Variants in DPF3 observed in about 807,000 individuals in gnomAD.
DPF3 encodes double PHD fingers 3.
A neutral mutation model predicts 56.8 loss-of-function variants in DPF3; 18 were observed. The ratio of observed to expected loss-of-function variants is 0.32; its 90% CI spans 0.22 to 0.47. DPF3 has a LOEUF of 0.47. Ranked by LOEUF, DPF3 falls within the 20% of genes least tolerant of loss-of-function variation. The probability of loss-of-function intolerance (pLI) is 1.00; values close to 1 mark genes in which losing one functional copy is unlikely to be tolerated. For missense variants in DPF3, 403 were observed against 488.8 expected (o/e 0.82, Z 1.65); for synonymous variants, 188 against 180.2 (o/e 1.04, Z -0.35).
At chr14:72,706,223 C>T (rs144248672) in intron 6 of DPF3, among the ~76,000 whole-genome samples, 155 of 152,302 alleles carry the variant, frequency 1.0e-3, no homozygotes, top group African/African-American at 3.6e-3. Context: ...CCCATCCACC[C>T]CTGGGGGCCA....
chr14:72,673,634 C>T (rs1049936735), intron 8 of DPF3, among the ~76,000 whole-genome samples: 1 of 152,140 alleles, frequency 6.6e-6, no homozygotes, highest in African/African-American at 2.4e-5. Context: ...ACATATACAC[C>T]AAATCAACTG....
intron 3 of DPF3, among the ~76,000 whole-genome samples, chr14:72,738,679 C>T (rs1218066065): frequency 6.6e-6 from 1 of 152,098 alleles, no homozygotes; most frequent in African/African-American, 2.4e-5. Flanking sequence ...GTCAGTCAGA[C>T]AGGATGAATA....
chr14:72,674,211 C>T (rs760323088), intron 8 of DPF3, 29 bp downstream of exon 8: 6 of 1,603,596 alleles, frequency 3.7e-6, no homozygotes, highest in Admixed American at 3.4e-5. Flanking sequence ...GGTCTACGGG[C>T]ACCCGGTGTG....
intron 5 of DPF3, among the ~76,000 whole-genome samples, chr14:72,718,447 C>T (rs981512366): frequency 1.2e-4 from 18 of 152,278 alleles, no homozygotes; most frequent in South Asian, 2.1e-4. Flanking sequence ...AGTCCTAAAA[C>T]GTGATCTGCC....
chr14:72,696,851 A>T (rs535738038), intron 6 of DPF3, among the ~76,000 whole-genome samples: 1 of 152,346 alleles, frequency 6.6e-6, no homozygotes, highest in South Asian at 2.1e-4. Flanking sequence ...GACTGACTGA[A>T]TCAGAAACTC....
At chr14:72,670,567 T>C in intron 8 of DPF3, 1 of 987,484 alleles carries the variant, frequency 1.0e-6, no homozygotes, top group Non-Finnish European at 1.2e-6. Flanking sequence ...CGTCTCCCAT[T>C]GAGGAAATTC....
chr14:72,678,738 A>G (rs1014433600), intron 7 of DPF3, among the ~76,000 whole-genome samples: 1 of 152,216 alleles, frequency 6.6e-6, no homozygotes, highest in Non-Finnish European at 1.5e-5. Flanking sequence ...CCCGACTGGC[A>G]TCTCTATGGC....
At chr14:72,738,277 A>G (rs1294171830) in intron 3 of DPF3, among the ~76,000 whole-genome samples, 1 of 152,072 alleles carries the variant, frequency 6.6e-6, no homozygotes, top group Non-Finnish European at 1.5e-5. Context: ...CTCGAAATAG[A>G]TGAGGTTCAC....
chr14:72,680,738 G>A (rs61994456), intron 7 of DPF3, among the ~76,000 whole-genome samples: 1 of 152,274 alleles, frequency 6.6e-6, no homozygotes, highest in Non-Finnish European at 1.5e-5. Flanking sequence ...AGGAGAGCTG[G>A]AAAGGCAGGT....
chr14:72,707,584 T>G (rs1281585216), intron 6 of DPF3, among the ~76,000 whole-genome samples: 1 of 152,174 alleles, frequency 6.6e-6, no homozygotes, highest in Non-Finnish European at 1.5e-5. Context: ...TAAAATCTAT[T>G]TATTGACACA....
chr14:72,609,541 C>T lies in DPF3; in HGVS notation c.*9756G>A, dbSNP rs569327095. On this transcript the variant is annotated 3_prime_UTR_variant, in exon 11 of 11. Coordinates refer to ENST00000556509, the MANE Select transcript of DPF3 (RefSeq NM_001280542.3). The stretch of plus-strand genomic sequence containing the variant: ...ACTGAAACACTGAGAGAGCTTGATA[C>T]GTTCCTTAGGCAGGGCAGAAACATC... Among the ~76,000 whole-genome samples, 87 of 152,326 alleles carry T rather than the reference C, an allele frequency of 5.7e-4. 1 individual carries two copies. In the South Asian group the frequency reaches 0.017, roughly 30 times the overall value.
intron 1 of DPF3, among the ~76,000 whole-genome samples, chr14:72,828,102 C>G (rs968475719): frequency 2.0e-5 from 3 of 152,184 alleles, no homozygotes; most frequent in Non-Finnish European, 4.4e-5. Flanking sequence ...CATGTTCATG[C>G]TACAAGCAAC....
intron 7 of DPF3, among the ~76,000 whole-genome samples, chr14:72,675,010 C>T (rs1392499273): frequency 1.3e-5 from 2 of 152,198 alleles, no homozygotes; most frequent in African/African-American, 4.8e-5. Flanking sequence ...ACCCCAAGTG[C>T]CTAAAATCAG....
At chr14:72,887,878 G>A (rs1886608893) in intron 1 of DPF3, among the ~76,000 whole-genome samples, 1 of 152,170 alleles carries the variant, frequency 6.6e-6, no homozygotes. Context: ...TTCATCAATA[G>A]CAGGTGAAAG....
At chr14:72,814,242 C>T (rs1197932509) in intron 1 of DPF3, among the ~76,000 whole-genome samples, 2 of 152,158 alleles carry the variant, frequency 1.3e-5, no homozygotes, top group Admixed American at 6.5e-5. Context: ...GATTCTGAGG[C>T]TTCCCAGGCC....
At chr14:72,886,262 C>T (rs1886541784) in intron 1 of DPF3, among the ~76,000 whole-genome samples, 1 of 152,152 alleles carries the variant, frequency 6.6e-6, no homozygotes, top group Non-Finnish European at 1.5e-5. Context: ...GTCCCAGCTA[C>T]TCGGGAGACT....
At chr14:72,863,473 A>G (rs1885535968) in intron 1 of DPF3, among the ~76,000 whole-genome samples, 1 of 150,644 alleles carries the variant, frequency 6.6e-6, no homozygotes, top group African/African-American at 2.4e-5. Context: ...TTCTGAGGTC[A>G]TGAGTAAGCT....
intron 8 of DPF3, chr14:72,670,970 G>A: frequency 6.2e-6 from 4 of 643,034 alleles, no homozygotes; most frequent in Non-Finnish European, 9.8e-6. Flanking sequence ...AAAACAGAGG[G>A]GTGGGGGGAG....
intron 1 of DPF3, among the ~76,000 whole-genome samples, chr14:72,835,129 A>AT (rs1477082078): frequency 6.6e-6 from 1 of 151,914 alleles, no homozygotes; most frequent in Non-Finnish European, 1.5e-5. Flanking sequence ...GTGCAGTGGT[A>AT]TAGTCTAGGC....
Sources: allele counts gnomAD v4.1 joint callset (sites outside exome capture counted in the v4.1 genomes callset), GRCh38; gene constraint gnomAD v4.1.1; transcripts MANE v1.5; gene names NCBI Gene and HGNC (gene_info 2026-07-23, HGNC 2026-07-21).